TRIM37: variants seen among roughly 807,000 people sequenced by gnomAD.
The protein encoded by TRIM37 is tripartite motif containing 37, also known as E3 ubiquitin-protein ligase TRIM37.
Under a neutral mutation model 129.8 loss-of-function variants are expected in TRIM37, and 80 were observed. The ratio of observed to expected loss-of-function variants is 0.62; its 90% confidence interval spans 0.51 to 0.74. The LOEUF (loss-of-function observed/expected upper bound fraction) is 0.74. Among genes scored for constraint, TRIM37 ranks in the 30% least tolerant of loss-of-function variants. The probability of loss-of-function intolerance (pLI) is 0.00; values close to 1 mark genes in which losing one functional copy is unlikely to be tolerated. For synonymous variants in TRIM37, 389 were observed against 387.1 expected, an observed-to-expected ratio of 1.00 and a Z score of -0.06; for missense variants, 1,054 against 1,176.5, an observed-to-expected ratio of 0.90 and a Z score of 1.52.
In TRIM37 at chr17:59,015,788, T is replaced by C. The variant is rs778562688; in HGVS notation, c.2398A>G (p.Ser800Gly). 1 of 1,613,140 alleles carries C rather than the reference T, an allele frequency of 6.2e-7. No homozygotes were observed. Among genetic ancestry groups the C allele is most frequent in the Non-Finnish European group, 8.5e-7 (1 of 1,179,922 alleles). ...CTGTGCCTGCTCCCAGACTGAGAGC[T>C]TCCTGGGGAGCCTTCAAAAAAAGGA... ...CQTLSEGSPG[S>G]SQSGSRHSSP... The change falls in exon 21 of 24, where the codon AGC (serine) becomes GGC (glycine). Residue 800 changes from serine (S) to glycine (G), a missense_variant. Around this residue, in one of 3 missense-constraint regions of TRIM37, gnomAD observed 287 missense variants for 274.3 expected, o/e 1.05. Coordinates refer to ENST00000262294, the MANE Select transcript of TRIM37 (RefSeq NM_015294.6).
downstream of TRIM37, chr17:58,980,561 G>C (rs1378188016): frequency 6.2e-7 from 1 of 1,614,146 alleles, no homozygotes; most frequent in East Asian, 2.2e-5. The surrounding 1 kb of genome is among the most constrained non-coding windows in gnomAD (Gnocchi z 4.7). Flanking sequence ...ACCAAAGAAA[G>C]CAAATCTTAT....
chr17:58,996,021 T>C (rs1428390014), downstream of TRIM37, among the ~76,000 whole-genome samples: 1 of 151,664 alleles, frequency 6.6e-6, no homozygotes, highest in Non-Finnish European at 1.5e-5. Context: ...ATAATAATAA[T>C]AATTAATAGA....
At chr17:59,094,506 C>A (rs1311503619) in intron 2 of TRIM37, among the ~76,000 whole-genome samples, 5 of 152,074 alleles carry the variant, frequency 3.3e-5, no homozygotes, top group Non-Finnish European at 7.4e-5. Context: ...AGTGACTGAG[C>A]TCGTCTCCTC....
intron 5 of TRIM37, among the ~76,000 whole-genome samples, chr17:59,081,961 A>ATAAT (rs1248128507): frequency 1.1e-3 from 117 of 110,344 alleles, no homozygotes; most frequent in East Asian, 4.0e-3. Context: ...AATAAAAAAA[A>ATAAT]AAAAATAATA....
the TRIM37 span, among the ~76,000 whole-genome samples, chr17:58,974,494 A>G: frequency 6.6e-6 from 1 of 152,196 alleles, no homozygotes; most frequent in Admixed American, 6.5e-5. Flanking sequence ...ATACAAGGGT[A>G]TAAGTTCAAA....
intron 17 of TRIM37, among the ~76,000 whole-genome samples, chr17:59,040,786 C>T (rs1358707688): frequency 6.6e-6 from 1 of 152,060 alleles, no homozygotes. Context: ...GTGGCTCACG[C>T]CTGTAATCCC....
chr17:59,047,737 G>A lies in TRIM37; in HGVS notation c.1613C>T (p.Ala538Val), dbSNP rs751577143. Residue 538 changes from alanine (A) to valine (V), a missense_variant, in exon 16 of 24, where the codon GCT (alanine) becomes GTT (valine). By Grantham distance (64) the Ala-to-Val change is moderately conservative. This residue lies in a region of TRIM37 where 752 missense variants were observed against 870.8 expected (regional missense o/e 0.86). Transcript: ENST00000262294. ...VNQLDGSSSS[A>V]SSTATSNTEE... Reference sequence around the variant, plus strand: ...TGTATTACTTGTTGCTGTGGAACTAGCAGAGGAACTGCTGCCATCGAGCTG... The same window carrying A: ...TGTATTACTTGTTGCTGTGGAACTAACAGAGGAACTGCTGCCATCGAGCTG... The A allele has an allele frequency of 2.5e-6, 4 of 1,613,990 alleles. No individual in the cohort carries two copies. The Admixed American group carries it at 6.7e-5, about 27-fold the overall frequency.
chr17:59,057,816 G>A (rs139263557), intron 12 of TRIM37, among the ~76,000 whole-genome samples: 3,166 of 152,184 alleles, frequency 0.021, 44 homozygotes, highest in Middle Eastern at 0.044. Context: ...GAGCCACTGC[G>A]CCCAGCCAAA....
At chr17:59,071,063 C>T (rs2042320242) in intron 8 of TRIM37, 116 bp from the exon 9 acceptor site, 1 of 1,195,496 alleles carries the variant, frequency 8.4e-7, no homozygotes, top group South Asian at 1.4e-5. Context: ...ATAAAAATAA[C>T]TCAAAGTGAG....
At chr17:59,104,190 C>T (rs1030059998) in intron 2 of TRIM37, 103 bp downstream of exon 2, 1 of 1,119,154 alleles carries the variant, frequency 8.9e-7, no homozygotes, top group East Asian at 2.6e-5. Flanking sequence ...TGCAAGCAAG[C>T]ACTTTAGGGC....
downstream of TRIM37, chr17:58,980,586 T>C (rs2143824539): frequency 1.2e-6 from 2 of 1,614,188 alleles, no homozygotes; most frequent in South Asian, 2.2e-5. This position sits in a 1 kb window ranked among gnomAD's most constrained non-coding sequence, Gnocchi z 4.7. Flanking sequence ...GAGTTAATGA[T>C]GGAGAAAAAA....
chr17:59,069,778 AG>A (rs1266320554), intron 9 of TRIM37, among the ~76,000 whole-genome samples: 2 of 152,192 alleles, frequency 1.3e-5, no homozygotes, highest in Non-Finnish European at 2.9e-5. Context: ...AGGCTAAATG[AG>A]TTGATAATGG....
intron 9 of TRIM37, among the ~76,000 whole-genome samples, chr17:59,068,457 C>T (rs1250750496): frequency 1.3e-5 from 2 of 152,180 alleles, no homozygotes; most frequent in Non-Finnish European, 1.5e-5. Flanking sequence ...ATATATGACC[C>T]TTAGGTCAAA....
At chr17:59,019,440 T>C (rs1043420247) in intron 19 of TRIM37, among the ~76,000 whole-genome samples, 2 of 152,214 alleles carry the variant, frequency 1.3e-5, no homozygotes, top group Admixed American at 6.5e-5. Flanking sequence ...CTGGGCGCAG[T>C]GGCTCACATC....
intron 2 of TRIM37, among the ~76,000 whole-genome samples, chr17:59,094,098 T>A (rs1326745371): frequency 6.6e-6 from 1 of 152,162 alleles, no homozygotes; most frequent in South Asian, 2.1e-4. Flanking sequence ...TTTTCCCACG[T>A]TGGCCAGGCT....
chr17:59,038,018 G>A (rs931706231), intron 17 of TRIM37, among the ~76,000 whole-genome samples: 1 of 152,092 alleles, frequency 6.6e-6, no homozygotes, highest in African/African-American at 2.4e-5. Flanking sequence ...CAGATATAAA[G>A]TACCATTGTC....
chr17:59,031,092 C>T (rs2037792114), intron 18 of TRIM37, among the ~76,000 whole-genome samples: 1 of 152,192 alleles, frequency 6.6e-6, no homozygotes. Flanking sequence ...CATGTCCCTA[C>T]ACCAGTAGAA....
At chr17:59,070,088 T>C (rs2042241896) in intron 9 of TRIM37, among the ~76,000 whole-genome samples, 1 of 152,228 alleles carries the variant, frequency 6.6e-6, no homozygotes, top group Admixed American at 6.5e-5. Flanking sequence ...GCCTGGGGTA[T>C]GGTATGACCC....
rs187409704 is a variant in TRIM37, at chr17:59,103,401, G to A, written c.123+892C>T. ...CTGTCACCCAGGCTGGAGTGCACTG[G>A]CATGATCTCGGCTCACTGCAACCTC... On this transcript the variant is annotated intron_variant, in intron 2 of 23. Transcript: ENST00000262294. Among the ~76,000 whole-genome samples, 5 of 152,078 alleles carry A rather than the reference G, an allele frequency of 3.3e-5. No individual in the cohort carries two copies. In the East Asian group the frequency reaches 9.7e-4, roughly 30 times the overall value.
Sources: allele counts gnomAD v4.1 joint callset (sites outside exome capture counted in the v4.1 genomes callset), GRCh38; gene constraint gnomAD v4.1.1; regional missense constraint gnomAD v4.1.1; non-coding constraint Gnocchi (gnomAD v3.1); transcripts MANE v1.5; gene names NCBI Gene and HGNC (gene_info 2026-07-23, HGNC 2026-07-21).